The following CALCRL variants were observed in gnomAD, a reference collection of about 807,000 sequenced individuals.
CALCRL encodes the protein calcitonin receptor like receptor.
In CALCRL, 27 loss-of-function variants were observed where a neutral mutation model predicts 60.4. The observed-to-expected ratio is 0.45, with a 90% confidence interval of 0.33 to 0.62. The LOEUF (loss-of-function observed/expected upper bound fraction) is 0.62. Ranked by LOEUF, CALCRL falls within the 20% of genes least tolerant of loss-of-function variation. The pLI is 0.03. For synonymous variants in CALCRL, 190 were observed against 182.6 expected, an observed-to-expected ratio of 1.04 and a Z score of -0.33; for missense variants, 424 against 540.7, an observed-to-expected ratio of 0.78 and a Z score of 2.14.
intron 14 of CALCRL, among the ~76,000 whole-genome samples, chr2:187,349,625 T>A (rs1686439434): frequency 6.6e-6 from 1 of 151,810 alleles, no homozygotes; most frequent in Non-Finnish European, 1.5e-5. Context: ...TTAGAAATGT[T>A]GTGAGGAACT....
At chr2:187,370,944 A>G (rs930276176) in intron 8 of CALCRL, among the ~76,000 whole-genome samples, 1 of 152,180 alleles carries the variant, frequency 6.6e-6, no homozygotes, top group African/African-American at 2.4e-5. Context: ...TTGGAGATAG[A>G]CCCAATAAAA....
chr2:187,445,367 T>C (rs184124921), intron 1 of CALCRL, among the ~76,000 whole-genome samples: 244 of 151,792 alleles, frequency 1.6e-3, no homozygotes, highest in African/African-American at 5.7e-3. Context: ...GTAATCATTA[T>C]ATCTCCAAAA....
In CALCRL at chr2:187,389,326, G is replaced by A. The variant is rs562362668; in HGVS notation, c.-292-1570C>T. Among the ~76,000 whole-genome samples the A allele has an allele frequency of 2.0e-5, 3 of 152,042 alleles. No individual in the cohort carries two copies. The East Asian group carries it at 5.8e-4, about 29-fold the overall frequency. On this transcript the variant is annotated intron_variant, in intron 1 of 14. Transcript: ENST00000392370. The stretch of plus-strand genomic sequence containing the variant: ...GAGCTCAGGTGATCCACCCGCCTCC[G>A]CCTCCCAAAGTGCTGGGATTACAAG...
chr2:187,439,749 A>T, intron 1 of CALCRL, among the ~76,000 whole-genome samples: 1 of 152,160 alleles, frequency 6.6e-6, no homozygotes, highest in East Asian at 1.9e-4. Context: ...ATTTTATGCT[A>T]GTTGAAAGAA....
chr2:187,428,210 G>A (rs1345789619), intron 1 of CALCRL: 1 of 152,092 alleles, frequency 6.6e-6, no homozygotes, highest in Non-Finnish European at 1.5e-5. Flanking sequence ...CTTAAGATGA[G>A]ACCCTCAAGG....
chr2:187,421,803 A>C (rs1689882806), intron 1 of CALCRL, among the ~76,000 whole-genome samples: 1 of 152,206 alleles, frequency 6.6e-6, no homozygotes, highest in African/African-American at 2.4e-5. Context: ...GTGTCCAGTA[A>C]GCATAGACAC....
chr2:187,415,925 C>T (rs1689583913), intron 1 of CALCRL: 2 of 232,986 alleles, frequency 8.6e-6, no homozygotes, highest in South Asian at 8.1e-5. Context: ...CTGCCACACT[C>T]AGTCCCCCAC....
chr2:187,374,211 G>A (rs1394295106), intron 8 of CALCRL, among the ~76,000 whole-genome samples: 1 of 151,998 alleles, frequency 6.6e-6, no homozygotes, highest in East Asian at 1.9e-4. Flanking sequence ...CTCCTGTAAT[G>A]ACATCTAGAC....
At chr2:187,347,348 G>T (rs903172375) in intron 14 of CALCRL, among the ~76,000 whole-genome samples, 1 of 151,742 alleles carries the variant, frequency 6.6e-6, no homozygotes, top group Admixed American at 6.6e-5. Context: ...CTTGTGACCC[G>T]ATCTATATCT....
At chr2:187,430,428 T>C (rs1288746012) in intron 1 of CALCRL, among the ~76,000 whole-genome samples, 1 of 152,212 alleles carries the variant, frequency 6.6e-6, no homozygotes, top group East Asian at 1.9e-4. Flanking sequence ...CATTATTGAA[T>C]TGTCAAACGT....
At chr2:187,359,663 T>A (rs543800743) in intron 10 of CALCRL, among the ~76,000 whole-genome samples, 61 of 152,036 alleles carry the variant, frequency 4.0e-4, no homozygotes, top group Non-Finnish European at 8.5e-4. Context: ...AAGTTGAGAA[T>A]CACAAGAACT....
At chr2:187,440,363 T>C (rs1690840371) in intron 1 of CALCRL, among the ~76,000 whole-genome samples, 1 of 152,168 alleles carries the variant, frequency 6.6e-6, no homozygotes, top group Non-Finnish European at 1.5e-5. Flanking sequence ...TAGAATGTTG[T>C]CAGAGTGTAA....
At chr2:187,377,192 C>A (rs529679065) in intron 8 of CALCRL, among the ~76,000 whole-genome samples, 1 of 152,020 alleles carries the variant, frequency 6.6e-6, no homozygotes, top group Non-Finnish European at 1.5e-5. Flanking sequence ...AATATTTGAT[C>A]TAAATATTTG....
chr2:187,365,171 T>A (rs1357533155), intron 8 of CALCRL, among the ~76,000 whole-genome samples: 1 of 152,186 alleles, frequency 6.6e-6, no homozygotes, highest in Admixed American at 6.5e-5. Flanking sequence ...GCCACAGCAG[T>A]GACATAATTA....
chr2:187,413,578 G>A (rs1372952227), intron 1 of CALCRL, among the ~76,000 whole-genome samples: 1 of 152,138 alleles, frequency 6.6e-6, no homozygotes, highest in Non-Finnish European at 1.5e-5. Context: ...CCCAGCAAAC[G>A]ATAGAAATGA....
In CALCRL at chr2:187,370,373, A is replaced by G. The variant is rs3771087; in HGVS notation, c.501-6871T>C. 1.8e-3 allele frequency among the ~76,000 whole-genome samples: 275 copies of G among 152,218 alleles called. 7 individuals carry two copies. The East Asian group carries it at 0.04, about 22-fold the overall frequency. On this transcript the variant is annotated intron_variant, in intron 8 of 14. Coordinates refer to ENST00000392370, the MANE Select transcript of CALCRL (RefSeq NM_005795.6). ...GGGAGAAAAAATGTTATTTATTTCT[A>G]TTTTCTATTTCAAATAACGAAGTTT...
chr2:187,424,565 C>T (rs1690036009), intron 1 of CALCRL, among the ~76,000 whole-genome samples: 1 of 151,922 alleles, frequency 6.6e-6, no homozygotes. Context: ...GACCCTATAG[C>T]TTAATGCAAC....
chr2:187,417,113 A>G (rs958058192), intron 1 of CALCRL, among the ~76,000 whole-genome samples: 2 of 152,100 alleles, frequency 1.3e-5, no homozygotes, highest in African/African-American at 4.8e-5. Flanking sequence ...GTCTGAAAAT[A>G]AAGGCCATTT....
chr2:187,410,813 C>A (rs115954040), intron 1 of CALCRL, among the ~76,000 whole-genome samples: 2,839 of 151,910 alleles, frequency 0.019, 92 homozygotes, highest in African/African-American at 0.064. Flanking sequence ...ATAATCTGTG[C>A]CTTTGTACTT....
Sources: gnomAD v4.1 joint callset for allele counts (sites outside exome capture counted in the v4.1 genomes callset) on GRCh38, gnomAD v4.1.1 for gene constraint, MANE v1.5 for transcripts, NCBI Gene and HGNC (gene_info 2026-07-23, HGNC 2026-07-21) for gene names.